The following ITGAE variants were observed in gnomAD, a reference collection of about 807,000 sequenced individuals.
ITGAE encodes integrin subunit alpha E, also known as integrin alpha-E.
ITGAE carries 99 observed loss-of-function variants against 136.5 expected under a neutral mutation model. That is an observed-to-expected ratio of 0.73 (90% confidence interval 0.62 to 0.86). ITGAE has a LOEUF of 0.86. ITGAE is among the 40% of genes least tolerant of loss of function. The pLI is 0.00. For synonymous variants in ITGAE, 613 were observed against 591.8 expected (o/e 1.04, Z -0.52); for missense variants, 1,447 against 1,515.3 (o/e 0.95, Z 0.75).
Position 3,723,483 on chromosome 17 carries a change from G to C in ITGAE, c.3142-100C>G, listed in dbSNP as rs2051103927. The C allele has an allele frequency of 4.9e-6, 5 of 1,029,492 alleles. No individual in the cohort carries two copies. In the Admixed American group the frequency reaches 7.1e-5, roughly 15 times the overall value. 63.8% of individuals were successfully genotyped at this position (1,029,492 alleles called of 1,614,324 possible). A position where few individuals can be genotyped will look rare whatever the true frequency, so the allele number is the denominator to read the frequency against. ...CAGAGCATCGTAAGGTCCCAGAATA[G>C]AGGGTGTGAGCAATTTCAGCGCTCA... On this transcript the variant is annotated intron_variant, in intron 27 of 30. Transcript: ENST00000263087.
At chr17:3,783,177 G>T (rs567569330) in intron 1 of ITGAE, among the ~76,000 whole-genome samples, 1 of 152,282 alleles carries the variant, frequency 6.6e-6, no homozygotes, top group South Asian at 2.1e-4. Context: ...GTCTCACTCT[G>T]TCGCCCAAGC....
intron 26 of ITGAE, 76 bp from the exon 27 acceptor site, chr17:3,723,820 C>T: frequency 6.4e-7 from 1 of 1,570,716 alleles, no homozygotes; most frequent in Non-Finnish European, 8.6e-7. Flanking sequence ...GGCCCCGGCC[C>T]TGGCGAGGTG....
At chr17:3,724,103 C>A in intron 26 of ITGAE, 1 of 1,594,656 alleles carries the variant, frequency 6.3e-7, no homozygotes. Flanking sequence ...GCATCGGCGA[C>A]CCCTCGCAGT....
At chr17:3,743,740 T>C (rs1384719651) in intron 18 of ITGAE, 123 bp from the exon 19 acceptor site, 5 of 1,024,590 alleles carry the variant, frequency 4.9e-6, no homozygotes, top group Non-Finnish European at 6.8e-6. Context: ...TCTTGCTCTG[T>C]TGCCCAGGCT....
In ITGAE at chr17:3,727,916, T is replaced by C; in HGVS notation, c.3084+3A>G. On this transcript the variant is annotated splice_donor_region_variant and intron_variant, in intron 26 of 30. Transcript: ENST00000263087. Reference sequence around the variant, plus strand: ...TGACTGATAAAGAACTGCCTTTAAATACCTGAGTCCTCGTCAGCTTCTTCA... The same window carrying C: ...TGACTGATAAAGAACTGCCTTTAAACACCTGAGTCCTCGTCAGCTTCTTCA... The C allele has an allele frequency of 1.9e-6, 3 of 1,593,922 alleles. No individual in the cohort carries two copies. The highest frequency in any genetic ancestry group is 2.6e-6 in the Non-Finnish European group (3 of 1,161,766).
intron 2 of ITGAE, among the ~76,000 whole-genome samples, chr17:3,775,558 C>A (rs2052519706): frequency 6.6e-6 from 1 of 152,074 alleles, no homozygotes; most frequent in South Asian, 2.1e-4. Context: ...CTCCTGGGTT[C>A]AAGCAATTCT....
intron 20 of ITGAE, 80 bp downstream of exon 20, chr17:3,739,725 G>C (rs1393034073): frequency 1.1e-5 from 13 of 1,158,226 alleles, no homozygotes; most frequent in Non-Finnish European, 1.7e-5. Context: ...GGATGTGCAG[G>C]GTGTCCTAAT....
rs2051426418 is a variant in ITGAE, at chr17:3,734,846, T to C, written c.2626A>G (p.Arg876Gly). 2.5e-6 allele frequency: 4 copies of C among 1,614,210 alleles called. No individual in the cohort carries two copies. Among genetic ancestry groups the C allele is most frequent in the Middle Eastern group, 1.6e-4 (1 of 6,062 alleles). ...TGCATCCTCTTCAACTGCAGGTTTC[T>C]GGGGTAATTCAAGGCCATGCTTGTC... ...YMTSMALNYP[R>G]NLQLKRMQKP... Residue 876 changes from arginine (R) to glycine (G), a missense_variant, in exon 21 of 31, where the codon AGA becomes GGA. Physicochemically the swap from Arg to Gly is moderately radical, Grantham distance 125. Coordinates refer to ENST00000263087, the MANE Select transcript of ITGAE (RefSeq NM_002208.5).
intron 28 of ITGAE, among the ~76,000 whole-genome samples, chr17:3,723,024 A>T (rs2051089391): frequency 6.6e-6 from 1 of 152,208 alleles, no homozygotes; most frequent in African/African-American, 2.4e-5. Context: ...TGGCCCTGAA[A>T]TGGCAGGGCT....
chr17:3,723,008 A>G lies in ITGAE; in HGVS notation c.3237+280T>C, dbSNP rs574795736. Among the ~76,000 whole-genome samples the G allele has an allele frequency of 2.0e-5, 3 of 152,284 alleles. No individual in the cohort carries two copies. In the East Asian group the frequency reaches 5.8e-4, roughly 29 times the overall value. ...GGAGAGAAGTGAATGGGTTTAGGATATATTTTGGCCCTGAAATGGCAGGGC... is the reference window on the plus strand; with the variant it reads ...GGAGAGAAGTGAATGGGTTTAGGATGTATTTTGGCCCTGAAATGGCAGGGC... On this transcript the variant is annotated intron_variant, in intron 28 of 30. Coordinates refer to ENST00000263087, the MANE Select transcript of ITGAE (RefSeq NM_002208.5).
chr17:3,764,072 G>A, intron 2 of ITGAE, 112 bp from the exon 3 acceptor site: 1 of 707,936 alleles, frequency 1.4e-6, no homozygotes, highest in Non-Finnish European at 2.4e-6. Flanking sequence ...CTCCCTGTCT[G>A]GCCGGCAGAT....
intron 19 of ITGAE, among the ~76,000 whole-genome samples, chr17:3,740,091 C>T (rs1043911983): frequency 1.3e-5 from 2 of 152,222 alleles, no homozygotes; most frequent in African/African-American, 2.4e-5. Context: ...TGTCCTATAA[C>T]ATGGGCACAC....
chr17:3,793,893 A>C (rs1266421930), intron 1 of ITGAE, among the ~76,000 whole-genome samples: 2 of 149,158 alleles, frequency 1.3e-5, no homozygotes, highest in East Asian at 4.0e-4. Flanking sequence ...TGATCCCCTG[A>C]GTGCACATGT....
At chr17:3,724,969 C>A in intron 26 of ITGAE, 2 of 1,614,152 alleles carry the variant, frequency 1.2e-6, no homozygotes, top group Admixed American at 1.7e-5. Context: ...CATCAGGAGG[C>A]AACGGAAACC....
chr17:3,759,416 G>A lies in ITGAE; in HGVS notation c.852C>T (p.Ala284=), dbSNP rs1235485920. The A allele has an allele frequency of 6.2e-7, 1 of 1,613,954 alleles. No homozygotes were observed. Among genetic ancestry groups the A allele is most frequent in the East Asian group, 2.2e-5 (1 of 44,880 alleles). The part of the protein sequence containing the change: ...QVGSVTKTAS[A]MQHVLDSIFT... ...CCCACACTCACAAGACGTGTTGCAT[G>A]GCTGAGGCAGTCTTGGTGACACTCC... The change falls in exon 8 of 31, where the codon GCC becomes GCT. Residue 284 remains alanine (A), a synonymous_variant. Coordinates refer to ENST00000263087, the MANE Select transcript of ITGAE (RefSeq NM_002208.5).
chr17:3,755,715 G>T (rs1597337206), intron 11 of ITGAE, 115 bp downstream of exon 11: 2 of 700,744 alleles, frequency 2.9e-6, no homozygotes, highest in East Asian at 5.9e-5. Flanking sequence ...CTCTTTTACA[G>T]GAATCACCAC....
At chr17:3,784,551 T>A in intron 1 of ITGAE, among the ~76,000 whole-genome samples, 1 of 151,938 alleles carries the variant, frequency 6.6e-6, no homozygotes, top group East Asian at 2.0e-4. Flanking sequence ...CGCGCCACCA[T>A]GCCCGCCTAA....
intron 18 of ITGAE, among the ~76,000 whole-genome samples, chr17:3,744,701 G>A (rs990618048): frequency 7.2e-5 from 11 of 151,984 alleles, no homozygotes; most frequent in African/African-American, 1.9e-4. Context: ...CTCCCACCTC[G>A]GCCTCCCAAA....
Position 3,739,820 on chromosome 17 carries a change from G to A in ITGAE, c.2507C>T (p.Ala836Val). Residue 836 changes from alanine (A) to valine (V), a missense_variant, in exon 20 of 31, where the codon GCC (alanine) becomes GTC (valine). Around this residue, in one of 3 missense-constraint regions of ITGAE, gnomAD observed 1,031 missense variants for 1,011.4 expected, o/e 1.02. Coordinates refer to ENST00000263087, the MANE Select transcript of ITGAE (RefSeq NM_002208.5). ...TCCAACTCACTGAGAGACGGTGGTGGCCAACTGTAATTCTGCGACACAAAA... is the reference window on the plus strand; with the variant it reads ...TCCAACTCACTGAGAGACGGTGGTGACCAACTGTAATTCTGCGACACAAAA... ...KLFCVAELQL[A>V]TTVSQQELVV... 1 of 1,614,072 alleles carries A rather than the reference G, an allele frequency of 6.2e-7. No individual in the cohort carries two copies. The highest frequency in any genetic ancestry group is 8.5e-7 in the Non-Finnish European group (1 of 1,179,910).
Sources: gnomAD v4.1 joint callset for allele counts (sites outside exome capture counted in the v4.1 genomes callset) on GRCh38, gnomAD v4.1.1 for gene constraint, gnomAD v4.1.1 regional missense constraint, MANE v1.5 for transcripts, NCBI Gene and HGNC (gene_info 2026-07-23, HGNC 2026-07-21) for gene names.